ATG10: variants seen among roughly 807,000 people sequenced by gnomAD.
ATG10 encodes the protein autophagy related 10, also known as ubiquitin-like-conjugating enzyme ATG10.
A neutral mutation model predicts 32.1 loss-of-function variants in ATG10; 30 were observed. That is an observed-to-expected ratio of 0.94 (90% CI 0.70 to 1.27). The LOEUF is 1.27. Among genes scored for constraint, ATG10 ranks in the 50% most tolerant of loss-of-function variants. ATG10 has a pLI of 0.00. For missense variants in ATG10, 233 were observed against 262.3 expected (o/e 0.89, Z 0.77); for synonymous variants, 87 against 91.5 (o/e 0.95, Z 0.28).
intron 4 of ATG10, among the ~76,000 whole-genome samples, chr5:82,165,137 C>T (rs1293380087): frequency 1.3e-5 from 2 of 152,166 alleles, no homozygotes; most frequent in African/African-American, 4.8e-5. Flanking sequence ...TAATCAGCAG[C>T]CACATGGCGT....
At chr5:82,131,810 A>T (rs188998682) in intron 3 of ATG10, among the ~76,000 whole-genome samples, 176 of 152,228 alleles carry the variant, frequency 1.2e-3, no homozygotes, top group Non-Finnish European at 1.9e-3. Flanking sequence ...ATTTATAAGC[A>T]AAGAGGTTTA....
chr5:82,029,870 T>G (rs1762697163), intron 2 of ATG10, among the ~76,000 whole-genome samples: 2 of 152,248 alleles, frequency 1.3e-5, no homozygotes, highest in African/African-American at 4.8e-5. Flanking sequence ...TTCTCTGAGC[T>G]TATCTTCACC....
intron 3 of ATG10, among the ~76,000 whole-genome samples, chr5:82,123,450 T>C (rs1766127512): frequency 6.6e-6 from 1 of 151,924 alleles, no homozygotes; most frequent in Non-Finnish European, 1.5e-5. Flanking sequence ...AAATAATCTG[T>C]TCAACAAACC....
At chr5:81,988,737 A>G (rs1049677139) in intron 2 of ATG10, among the ~76,000 whole-genome samples, 3 of 152,086 alleles carry the variant, frequency 2.0e-5, no homozygotes, top group African/African-American at 7.2e-5. Context: ...CCTGGCCCAA[A>G]GTATTTTTTT....
At chr5:82,165,454 G>T (rs1372301633) in intron 4 of ATG10, among the ~76,000 whole-genome samples, 2 of 152,206 alleles carry the variant, frequency 1.3e-5, no homozygotes, top group Non-Finnish European at 2.9e-5. Context: ...CTGTTATATT[G>T]TTTAATGGTC....
chr5:82,191,939 AC>A (rs1744677810), intron 5 of ATG10, among the ~76,000 whole-genome samples: 1 of 152,184 alleles, frequency 6.6e-6, no homozygotes, highest in African/African-American at 2.4e-5. Context: ...TGTACAGCAG[AC>A]ACTGGAAAGC....
intron 2 of ATG10, among the ~76,000 whole-genome samples, chr5:82,026,024 A>G (rs1762583791): frequency 6.6e-6 from 1 of 152,236 alleles, no homozygotes. Context: ...TTTTAAATGT[A>G]TACAGCTCAG....
At chr5:82,070,261 G>A (rs939447997) in intron 3 of ATG10, among the ~76,000 whole-genome samples, 7 of 150,480 alleles carry the variant, frequency 4.7e-5, no homozygotes, top group Admixed American at 2.0e-4. Flanking sequence ...ACTAAATCTC[G>A]TCTCTATGCT....
At chr5:82,253,537 C>A in intron 7 of ATG10, 108 bp downstream of exon 7, 1 of 713,204 alleles carries the variant, frequency 1.4e-6, no homozygotes, top group African/African-American at 1.7e-5. Context: ...CTTTAGTGGG[C>A]AAACCCTGAC....
intron 5 of ATG10, among the ~76,000 whole-genome samples, chr5:82,193,231 C>G (rs74441938): frequency 7.0e-4 from 106 of 152,228 alleles, no homozygotes; most frequent in African/African-American, 2.5e-3. Flanking sequence ...CTTAGTATGT[C>G]CTACAGTTCA....
chr5:82,227,828 C>G (rs977212694), intron 5 of ATG10, among the ~76,000 whole-genome samples: 2 of 152,150 alleles, frequency 1.3e-5, no homozygotes, highest in Admixed American at 1.3e-4. Flanking sequence ...GTTTCTACAT[C>G]TATAAAATGG....
chr5:82,063,829 G>A (rs1763861093), intron 3 of ATG10, among the ~76,000 whole-genome samples: 1 of 152,066 alleles, frequency 6.6e-6, no homozygotes, highest in African/African-American at 2.4e-5. Context: ...ACCTATCAGA[G>A]GGTAGAGGGT....
chr5:82,138,414 G>C (rs1766860917), intron 3 of ATG10, among the ~76,000 whole-genome samples: 1 of 152,328 alleles, frequency 6.6e-6, no homozygotes, highest in South Asian at 2.1e-4. Context: ...GAAGAGCATA[G>C]TATCTGGGCC....
At chr5:82,080,402 A>G (rs1764435240) in intron 3 of ATG10, among the ~76,000 whole-genome samples, 1 of 152,138 alleles carries the variant, frequency 6.6e-6, no homozygotes, top group South Asian at 2.1e-4. Flanking sequence ...TTTTGTTGCC[A>G]TTGCTTTTGG....
chr5:81,983,961 C>T (rs1402801987), intron 1 of ATG10, among the ~76,000 whole-genome samples: 4 of 150,588 alleles, frequency 2.7e-5, no homozygotes, highest in South Asian at 2.1e-4. Flanking sequence ...CGGGAAGAGG[C>T]GCTCCTCACT....
chr5:82,113,725 G>T (rs1765689256), intron 3 of ATG10, among the ~76,000 whole-genome samples: 1 of 151,854 alleles, frequency 6.6e-6, no homozygotes, highest in Admixed American at 6.6e-5. Flanking sequence ...TCTTTGTTTT[G>T]ACTTGTATTT....
chr5:82,214,168 A>G (rs1357533524), intron 5 of ATG10, among the ~76,000 whole-genome samples: 1 of 152,216 alleles, frequency 6.6e-6, no homozygotes, highest in Non-Finnish European at 1.5e-5. Context: ...TGAACATTTC[A>G]TAATTTGTAA....
At chr5:82,102,612 G>C (rs1765316760) in intron 3 of ATG10, among the ~76,000 whole-genome samples, 1 of 152,114 alleles carries the variant, frequency 6.6e-6, no homozygotes, top group Admixed American at 6.5e-5. Context: ...AGAACACAAT[G>C]GCAAACACTG....
chr5:82,013,743 C>G (rs947156108), intron 2 of ATG10, among the ~76,000 whole-genome samples: 10 of 151,896 alleles, frequency 6.6e-5, no homozygotes, highest in Admixed American at 2.6e-4. Flanking sequence ...ATTTACATTT[C>G]CCTGATAACT....
Sources: gnomAD v4.1 joint callset for allele counts (sites outside exome capture counted in the v4.1 genomes callset) on GRCh38, gnomAD v4.1.1 for gene constraint, MANE v1.5 for transcripts, NCBI Gene and HGNC (gene_info 2026-07-23, HGNC 2026-07-21) for gene names.